TTC27: variants seen among roughly 807,000 people sequenced by gnomAD.
The protein encoded by TTC27 is tetratricopeptide repeat protein 27.
Under a neutral mutation model 115.9 loss-of-function variants are expected in TTC27, and 79 were observed. The observed-to-expected ratio is 0.68, with a 90% CI of 0.57 to 0.82. The LOEUF (loss-of-function observed/expected upper bound fraction) is 0.82, where lower values mean the gene tolerates loss of function less well. Ranked by LOEUF, TTC27 falls within the 40% of genes least tolerant of loss-of-function variation. TTC27 has a pLI of 0.00. For synonymous variants in TTC27, 401 were observed against 356.0 expected (o/e 1.13, Z -1.42); for missense variants, 1,054 against 993.1 (o/e 1.06, Z -0.82).
intron 13 of TTC27, chr2:32,766,411 C>T (rs1369127232): frequency 3.7e-5 from 11 of 300,648 alleles, no homozygotes; most frequent in African/African-American, 1.1e-4. Context: ...TTTACTTGAA[C>T]GCTGAGAGGC....
rs995933830 is a variant in TTC27 at position 32,695,307 on chromosome 2, G to A, written c.1120-7500G>A. On this transcript the variant is annotated intron_variant, in intron 9 of 19. Coordinates refer to ENST00000317907, the MANE Select transcript of TTC27 (RefSeq NM_017735.5). ...AAAATATTTTTTCTTTTGTAGGCCA[G>A]GTGTGGTGACTTATGCCTGTAATCT... Among the ~76,000 whole-genome samples the A allele has an allele frequency of 3.3e-5, 5 of 152,144 alleles. No homozygotes were observed. The South Asian group carries it at 1.0e-3, about 31-fold the overall frequency.
At chr2:32,792,471 A>G (rs1469787623) in intron 16 of TTC27, among the ~76,000 whole-genome samples, 1 of 151,892 alleles carries the variant, frequency 6.6e-6, no homozygotes, top group South Asian at 2.1e-4. Context: ...TCCACAGTCT[A>G]AGAACTGTTT....
At chr2:32,723,436 CTGT>C (rs1667989872) in intron 10 of TTC27, among the ~76,000 whole-genome samples, 1 of 152,036 alleles carries the variant, frequency 6.6e-6, no homozygotes, top group African/African-American at 2.4e-5. Flanking sequence ...TAGAGGTGGC[CTGT>C]TGTTCTTTAG....
At chr2:32,678,602 T>C (rs1266039669) in intron 8 of TTC27, among the ~76,000 whole-genome samples, 1 of 151,978 alleles carries the variant, frequency 6.6e-6, no homozygotes, top group Non-Finnish European at 1.5e-5. Flanking sequence ...TAATTTTTTG[T>C]ATTTTTAGTA....
intron 5 of TTC27, among the ~76,000 whole-genome samples, chr2:32,651,117 A>G (rs552954283): frequency 2.0e-4 from 31 of 152,220 alleles, no homozygotes; most frequent in African/African-American, 6.7e-4. Flanking sequence ...ACGGGATTTG[A>G]TTTTAGCTGT....
chr2:32,799,153 G>T (rs1670835825), intron 16 of TTC27, among the ~76,000 whole-genome samples: 1 of 152,188 alleles, frequency 6.6e-6, no homozygotes, highest in African/African-American at 2.4e-5. Context: ...AATACTGTAT[G>T]ATTCCACTTA....
At chr2:32,651,353 A>G (rs1665117874) in intron 5 of TTC27, among the ~76,000 whole-genome samples, 1 of 152,114 alleles carries the variant, frequency 6.6e-6, no homozygotes. Flanking sequence ...GTTTCCTTCA[A>G]GAGTTATTTT....
intron 9 of TTC27, among the ~76,000 whole-genome samples, chr2:32,695,828 C>T (rs541886196): frequency 3.3e-4 from 49 of 150,762 alleles, no homozygotes; most frequent in Non-Finnish European, 6.8e-4. Context: ...CCCTTGAACC[C>T]AGGAGGTGGA....
intron 13 of TTC27, among the ~76,000 whole-genome samples, chr2:32,776,414 C>G (rs1341135837): frequency 6.6e-6 from 1 of 152,096 alleles, no homozygotes; most frequent in Non-Finnish European, 1.5e-5. Context: ...AACAGAGTAC[C>G]TCATTTTCTT....
intron 7 of TTC27, among the ~76,000 whole-genome samples, chr2:32,667,825 GGGT>G (rs1225664124): frequency 1.3e-5 from 2 of 150,560 alleles, no homozygotes; most frequent in East Asian, 4.0e-4. Flanking sequence ...AGGCTGAAGT[GGGT>G]GGATCACTTG....
chr2:32,680,183 G>A (rs1456968358), intron 9 of TTC27, among the ~76,000 whole-genome samples: 1 of 151,986 alleles, frequency 6.6e-6, no homozygotes, highest in Non-Finnish European at 1.5e-5. Context: ...ATCATATTAT[G>A]TGTGTTTTAG....
intron 9 of TTC27, among the ~76,000 whole-genome samples, chr2:32,690,204 T>C (rs905500088): frequency 6.6e-6 from 1 of 152,196 alleles, no homozygotes; most frequent in Non-Finnish European, 1.5e-5. Flanking sequence ...TTTTCTTTTT[T>C]GAAGAAGCCA....
chr2:32,680,276 TA>T (rs558271541), intron 9 of TTC27, among the ~76,000 whole-genome samples: 98 of 152,336 alleles, frequency 6.4e-4, no homozygotes, highest in African/African-American at 2.3e-3. Flanking sequence ...AAAGGGCATA[TA>T]AAAAACATAT....
chr2:32,654,798 A>G (rs1665257715), intron 5 of TTC27, among the ~76,000 whole-genome samples: 1 of 146,300 alleles, frequency 6.8e-6, no homozygotes, highest in Non-Finnish European at 1.5e-5. Flanking sequence ...CGGGTTCATG[A>G]GATTCTCCTT....
At chr2:32,687,542 T>A (rs1441341995) in intron 9 of TTC27, among the ~76,000 whole-genome samples, 2 of 152,178 alleles carry the variant, frequency 1.3e-5, no homozygotes, top group Non-Finnish European at 2.9e-5. Flanking sequence ...GAGAGACAAC[T>A]ATATGCTTCC....
Position 32,635,809 on chromosome 2 carries a change from A to G in TTC27, c.396+1804A>G, listed in dbSNP as rs562566077. Among the ~76,000 whole-genome samples, 5 of 152,360 alleles carry G rather than the reference A, an allele frequency of 3.3e-5. No individual in the cohort carries two copies. In the East Asian group the frequency reaches 9.6e-4, roughly 29 times the overall value. On this transcript the variant is annotated intron_variant, in intron 3 of 19. Transcript: ENST00000317907. ...GAAGTGCAAAAACAAGCATAAAGTG[A>G]AAACCACAATAATTAACTCTTTGCA...
At chr2:32,635,532 A>C (rs1664385656) in intron 3 of TTC27, among the ~76,000 whole-genome samples, 1 of 152,024 alleles carries the variant, frequency 6.6e-6, no homozygotes, top group South Asian at 2.1e-4. Context: ...AAAAATACAA[A>C]AATTAGCCGG....
At chr2:32,798,658 T>G (rs1670804935) in intron 16 of TTC27, among the ~76,000 whole-genome samples, 1 of 146,920 alleles carries the variant, frequency 6.8e-6, no homozygotes, top group Non-Finnish European at 1.5e-5. Flanking sequence ...TGAGCCAAGA[T>G]TGCACCACTG....
chr2:32,736,591 A>G, intron 11 of TTC27, 103 bp from the exon 12 acceptor site: 2 of 1,243,302 alleles, frequency 1.6e-6, no homozygotes, highest in East Asian at 2.3e-5. Context: ...CATTTATTAC[A>G]ATAAGCAGAC....
Sources: allele counts gnomAD v4.1 joint callset (sites outside exome capture counted in the v4.1 genomes callset), GRCh38; gene constraint gnomAD v4.1.1; transcripts MANE v1.5; gene names NCBI Gene and HGNC (gene_info 2026-07-23, HGNC 2026-07-21).